Variants in SCFD2 observed in about 807,000 individuals in gnomAD.
The protein encoded by SCFD2 is sec1 family domain-containing protein 2.
In SCFD2, 54 loss-of-function variants were observed where a neutral mutation model predicts 58.9. That is an observed-to-expected ratio of 0.92 (90% CI 0.74 to 1.15). SCFD2 has a LOEUF of 1.15. Ranked by LOEUF, SCFD2 falls within the 50% of genes most tolerant of loss-of-function variation. The pLI is 0.00. For synonymous variants in SCFD2, 321 were observed against 335.9 expected, an observed-to-expected ratio of 0.96 and a Z score of 0.49; for missense variants, 805 against 836.6, an observed-to-expected ratio of 0.96 and a Z score of 0.47.
At chr4:53,287,364 G>C (rs908300101) in intron 3 of SCFD2, among the ~76,000 whole-genome samples, 1 of 152,086 alleles carries the variant, frequency 6.6e-6, no homozygotes, top group Non-Finnish European at 1.5e-5. Context: ...CCCAACTGTG[G>C]GGAAAAAGAG....
chr4:52,989,860 G>C (rs1721579694), intron 5 of SCFD2, among the ~76,000 whole-genome samples: 1 of 152,082 alleles, frequency 6.6e-6, no homozygotes, highest in South Asian at 2.1e-4. Flanking sequence ...CATGTTTCTA[G>C]TCCTGCTGTT....
chr4:53,158,274 G>A (rs1458153038), intron 4 of SCFD2, among the ~76,000 whole-genome samples: 2 of 152,140 alleles, frequency 1.3e-5, no homozygotes, highest in Non-Finnish European at 2.9e-5. Flanking sequence ...ACTTTAATCT[G>A]CATAATAATA....
intron 2 of SCFD2, among the ~76,000 whole-genome samples, chr4:53,328,804 A>G (rs923275046): frequency 2.6e-5 from 4 of 152,236 alleles, no homozygotes; most frequent in African/African-American, 9.6e-5. Context: ...CGCAGAAGAC[A>G]GGTGATTTCT....
At chr4:52,927,279 T>G (rs1024343242) in intron 5 of SCFD2, among the ~76,000 whole-genome samples, 1 of 151,652 alleles carries the variant, frequency 6.6e-6, no homozygotes, top group Non-Finnish European at 1.5e-5. Flanking sequence ...TTTCATTCAC[T>G]AATCCTTTGA....
At chr4:53,256,701 C>CCAACA (rs1420487499) in intron 4 of SCFD2, among the ~76,000 whole-genome samples, 2 of 151,994 alleles carry the variant, frequency 1.3e-5, no homozygotes, top group African/African-American at 4.8e-5. Context: ...ACAGCAAAAC[C>CCAACA]CTGTCTCCAC....
chr4:53,114,255 A>G (rs1169206937), intron 5 of SCFD2, among the ~76,000 whole-genome samples: 3 of 152,160 alleles, frequency 2.0e-5, no homozygotes, highest in South Asian at 4.1e-4. Flanking sequence ...CACACATACT[A>G]CACATAGTAT....
At chr4:53,334,194 G>A (rs917281229) in intron 2 of SCFD2, among the ~76,000 whole-genome samples, 113 of 150,496 alleles carry the variant, frequency 7.5e-4, no homozygotes, top group Non-Finnish European at 1.4e-3. Context: ...TCAGTGTGGC[G>A]ATTCCTCAGG....
At chr4:52,925,427 G>A (rs1460111756) in intron 5 of SCFD2, among the ~76,000 whole-genome samples, 1 of 151,732 alleles carries the variant, frequency 6.6e-6, no homozygotes, top group East Asian at 1.9e-4. Flanking sequence ...CTAAAATGGA[G>A]GGAGTTGCAA....
chr4:53,354,745 C>T (rs1296025326), intron 1 of SCFD2, among the ~76,000 whole-genome samples: 1 of 151,996 alleles, frequency 6.6e-6, no homozygotes, highest in African/African-American at 2.4e-5. Flanking sequence ...TGATACTATC[C>T]TGAAATTTTA....
intron 8 of SCFD2, among the ~76,000 whole-genome samples, chr4:52,883,499 T>C (rs889419868): frequency 2.6e-5 from 4 of 152,244 alleles, no homozygotes; most frequent in Non-Finnish European, 4.4e-5. Context: ...AGAAGCTCTC[T>C]CTGCAGATGA....
At chr4:53,066,659 A>G (rs1337126418) in intron 5 of SCFD2, among the ~76,000 whole-genome samples, 1 of 152,072 alleles carries the variant, frequency 6.6e-6, no homozygotes, top group African/African-American at 2.4e-5. Context: ...AACCAACAAT[A>G]TTAGAGTTTT....
At chr4:53,230,082 A>C (rs896495700) in intron 4 of SCFD2, among the ~76,000 whole-genome samples, 18 of 152,250 alleles carry the variant, frequency 1.2e-4, no homozygotes, top group African/African-American at 3.9e-4. Flanking sequence ...ATACCATCTC[A>C]CACCAGTTAG....
chr4:52,916,381 C>T (rs565739978), intron 6 of SCFD2, among the ~76,000 whole-genome samples: 1 of 152,344 alleles, frequency 6.6e-6, no homozygotes, highest in South Asian at 2.1e-4. Context: ...ACCAGCCTCG[C>T]CAACATGGCG....
chr4:53,135,818 C>T (rs569490063), intron 5 of SCFD2, among the ~76,000 whole-genome samples: 15 of 152,240 alleles, frequency 9.9e-5, no homozygotes, highest in African/African-American at 3.4e-4. Context: ...CTATACATCC[C>T]TGCCATTTAT....
intron 5 of SCFD2, among the ~76,000 whole-genome samples, chr4:53,088,547 T>C (rs1401580819): frequency 6.6e-6 from 1 of 152,200 alleles, no homozygotes; most frequent in Non-Finnish European, 1.5e-5. Flanking sequence ...CCTTTTCTTC[T>C]TTGCTATTTC....
intron 6 of SCFD2, among the ~76,000 whole-genome samples, chr4:52,909,610 G>GTTTA (rs1039817877): frequency 5.9e-5 from 9 of 151,970 alleles, no homozygotes; most frequent in African/African-American, 1.2e-4. Flanking sequence ...TCATTGTATT[G>GTTTA]TTTATTTATT....
chr4:53,130,347 T>A (rs560290147), intron 5 of SCFD2, among the ~76,000 whole-genome samples: 1 of 152,352 alleles, frequency 6.6e-6, no homozygotes, highest in South Asian at 2.1e-4. Flanking sequence ...CATCTCTTTA[T>A]AAGTAAAATA....
intron 4 of SCFD2, among the ~76,000 whole-genome samples, chr4:53,202,448 G>A (rs908555555): frequency 3.8e-4 from 58 of 150,962 alleles, no homozygotes; most frequent in Non-Finnish European, 7.4e-4. Flanking sequence ...ATAGTTTGAA[G>A]TCAGGTAGCA....
intron 4 of SCFD2, among the ~76,000 whole-genome samples, chr4:53,216,263 A>G (rs1021288796): frequency 6.6e-6 from 1 of 152,166 alleles, no homozygotes; most frequent in Non-Finnish European, 1.5e-5. Context: ...TCGGCTGTGA[A>G]TTCGTCTGGC....
Sources: allele counts gnomAD v4.1 joint callset (sites outside exome capture counted in the v4.1 genomes callset), GRCh38; gene constraint gnomAD v4.1.1; transcripts MANE v1.5; gene names NCBI Gene and HGNC (gene_info 2026-07-23, HGNC 2026-07-21).